SV2C: variants seen among roughly 807,000 people sequenced by gnomAD.
SV2C encodes the protein solute carrier family 22 member B3.
SV2C carries 49 observed loss-of-function variants against 79.7 expected under a neutral mutation model. The observed-to-expected ratio is 0.61, with a 90% CI of 0.49 to 0.78. The LOEUF (loss-of-function observed/expected upper bound fraction) is 0.78. Ranked by LOEUF, SV2C falls within the 30% of genes least tolerant of loss-of-function variation. The probability of loss-of-function intolerance (pLI) is 0.00; values close to 1 mark genes in which losing one functional copy is unlikely to be tolerated. For missense variants in SV2C, 833 were observed against 912.9 expected, an observed-to-expected ratio of 0.91 and a Z score of 1.13; for synonymous variants, 334 against 333.2, an observed-to-expected ratio of 1.00 and a Z score of -0.03.
At chr5:75,980,377 G>A in the SV2C span, among the ~76,000 whole-genome samples, 3 of 152,030 alleles carry the variant, frequency 2.0e-5, no homozygotes, top group Non-Finnish European at 2.9e-5. Context: ...GGCCAGCATT[G>A]TCCTGATACC....
chr5:76,098,569 T>C (rs1433707030), intron 1 of SV2C, among the ~76,000 whole-genome samples: 1 of 152,244 alleles, frequency 6.6e-6, no homozygotes, highest in Non-Finnish European at 1.5e-5. Context: ...GCTAATTGTT[T>C]TCCCAAACAT....
At chr5:75,942,464 C>G in the SV2C span, among the ~76,000 whole-genome samples, 3 of 152,120 alleles carry the variant, frequency 2.0e-5, no homozygotes, top group Non-Finnish European at 4.4e-5. Context: ...CTGGGATGAG[C>G]GTGGTGGAAC....
At chr5:75,916,325 C>T in the SV2C span, among the ~76,000 whole-genome samples, 1 of 104,242 alleles carries the variant, frequency 9.6e-6, no homozygotes. Context: ...CCTCTTCCTC[C>T]TCCTCTTCTT....
chr5:76,215,179 T>C (rs920482421), intron 4 of SV2C, among the ~76,000 whole-genome samples: 16 of 152,196 alleles, frequency 1.1e-4, no homozygotes, highest in African/African-American at 3.9e-4. Flanking sequence ...CAATAGTTTT[T>C]AAAGCTTCTG....
At chr5:75,903,749 C>T in the SV2C span, among the ~76,000 whole-genome samples, 1 of 152,176 alleles carries the variant, frequency 6.6e-6, no homozygotes, top group Non-Finnish European at 1.5e-5. Context: ...AATTTTGACA[C>T]AGCATTTCTT....
intron 4 of SV2C, chr5:76,242,346 CG>C: frequency 7.1e-7 from 1 of 1,403,574 alleles, no homozygotes. Context: ...CGGGACGCAG[CG>C]GCGCGCGGGC....
Position 76,226,682 on chromosome 5 carries a change from A to C in SV2C, c.913+16795A>C, listed in dbSNP as rs527556672. 2.0e-5 allele frequency among the ~76,000 whole-genome samples: 3 copies of C among 152,306 alleles called. No individual in the cohort carries two copies. The South Asian group carries it at 6.2e-4, about 32-fold the overall frequency. On this transcript the variant is annotated intron_variant, in intron 4 of 12. Coordinates refer to ENST00000502798, the MANE Select transcript of SV2C (RefSeq NM_014979.4). ...TTAAATGTTGGCAGCTAATTCAGGA[A>C]GTTTCAAAGCAAGGTATAGGCCTAA...
chr5:76,183,831 C>T (rs1743826129), intron 2 of SV2C, among the ~76,000 whole-genome samples: 1 of 152,186 alleles, frequency 6.6e-6, no homozygotes, highest in South Asian at 2.1e-4. Flanking sequence ...TTGGAGGCTT[C>T]TCATTCATTA....
chr5:76,221,728 C>T (rs980951130), intron 4 of SV2C, among the ~76,000 whole-genome samples: 2 of 152,114 alleles, frequency 1.3e-5, no homozygotes, highest in African/African-American at 4.8e-5. Context: ...TTAGACTTCC[C>T]TGGTACTCAG....
intron 4 of SV2C, among the ~76,000 whole-genome samples, chr5:76,257,596 G>A (rs1325934011): frequency 6.6e-6 from 1 of 150,838 alleles, no homozygotes; most frequent in Non-Finnish European, 1.5e-5. Flanking sequence ...GGTATGGGGT[G>A]TCTATAGTGT....
At chr5:76,032,656 A>G in the SV2C span, among the ~76,000 whole-genome samples, 1 of 152,218 alleles carries the variant, frequency 6.6e-6, no homozygotes, top group Non-Finnish European at 1.5e-5. Context: ...ATTGTTGGAC[A>G]TCTGGGTTGG....
intron 4 of SV2C, among the ~76,000 whole-genome samples, chr5:76,250,430 G>A (rs967803901): frequency 1.3e-5 from 2 of 151,670 alleles, no homozygotes; most frequent in Non-Finnish European, 2.9e-5. Flanking sequence ...GTCATTTCAC[G>A]TTGTTGTTGC....
intron 12 of SV2C, among the ~76,000 whole-genome samples, chr5:76,320,909 AC>A (rs1225039119): frequency 6.6e-6 from 1 of 152,180 alleles, no homozygotes; most frequent in South Asian, 2.1e-4. Context: ...ACTTTGCCTC[AC>A]TTCAGGAGCC....
chr5:76,237,403 A>G (rs1053323033), intron 4 of SV2C, among the ~76,000 whole-genome samples: 8 of 152,128 alleles, frequency 5.3e-5, no homozygotes, highest in African/African-American at 1.9e-4. Flanking sequence ...TGGGTGAACT[A>G]TCTTACCACC....
chr5:75,979,474 G>A, the SV2C span, among the ~76,000 whole-genome samples: 1 of 116,102 alleles, frequency 8.6e-6, no homozygotes, highest in Non-Finnish European at 2.3e-5. Flanking sequence ...TCACATAATT[G>A]GAAATAAAAC....
At chr5:76,236,808 C>A (rs1266711872) in intron 4 of SV2C, among the ~76,000 whole-genome samples, 1 of 152,178 alleles carries the variant, frequency 6.6e-6, no homozygotes, top group African/African-American at 2.4e-5. Flanking sequence ...TGGTTTGACT[C>A]TGTGTCCCCA....
At chr5:75,940,966 G>T in the SV2C span, among the ~76,000 whole-genome samples, 1 of 152,262 alleles carries the variant, frequency 6.6e-6, no homozygotes, top group Non-Finnish European at 1.5e-5. Context: ...TAATTTATTG[G>T]TTTGGTGAAT....
the SV2C span, among the ~76,000 whole-genome samples, chr5:76,026,967 T>G: frequency 6.6e-6 from 1 of 152,150 alleles, no homozygotes; most frequent in Admixed American, 6.5e-5. Context: ...CCTATTTTTT[T>G]TCTAAGGGAA....
chr5:75,857,712 A>G, the SV2C span, among the ~76,000 whole-genome samples: 1 of 152,178 alleles, frequency 6.6e-6, no homozygotes, highest in Non-Finnish European at 1.5e-5. Context: ...GAACATTTTA[A>G]CAATATTGAT....
Sources: gnomAD v4.1 joint callset for allele counts (sites outside exome capture counted in the v4.1 genomes callset) on GRCh38, gnomAD v4.1.1 for gene constraint, MANE v1.5 for transcripts, NCBI Gene and HGNC (gene_info 2026-07-23, HGNC 2026-07-21) for gene names.